COL23A1: variants seen among roughly 807,000 people sequenced by gnomAD.
The protein encoded by COL23A1 is collagen alpha-1(XXIII) chain.
A neutral mutation model predicts 99.3 loss-of-function variants in COL23A1; 97 were observed. The ratio of observed to expected loss-of-function variants is 0.98; its 90% confidence interval spans 0.83 to 1.16. The LOEUF (loss-of-function observed/expected upper bound fraction) is 1.16. Ranked by LOEUF, COL23A1 falls within the 50% of genes most tolerant of loss-of-function variation. The probability of loss-of-function intolerance (pLI) is 0.00; values close to 1 mark genes in which losing one functional copy is unlikely to be tolerated. For synonymous variants in COL23A1, 320 were observed against 308.2 expected (o/e 1.04, Z -0.40); for missense variants, 762 against 757.4 (o/e 1.01, Z -0.07).
intron 18 of COL23A1, 109 bp downstream of exon 18, chr5:178,249,952 G>T: frequency 7.3e-7 from 1 of 1,363,544 alleles, no homozygotes; most frequent in Non-Finnish European, 1.0e-6. Flanking sequence ...TCTCACACAT[G>T]GTGTTTCTCT....
At chr5:178,357,798 G>GTGTGTGTGTA (rs1325905778) in intron 2 of COL23A1, among the ~76,000 whole-genome samples, 1 of 112,146 alleles carries the variant, frequency 8.9e-6, no homozygotes, top group South Asian at 2.7e-4. Flanking sequence ...GTGTGTGTAT[G>GTGTGTGTGTA]TGTGTGTGTA....
intron 2 of COL23A1, among the ~76,000 whole-genome samples, chr5:178,505,118 G>C (rs1758789673): frequency 6.6e-6 from 1 of 152,138 alleles, no homozygotes; most frequent in Admixed American, 6.5e-5. Context: ...CTGAGGGAGG[G>C]GTCTGGTCCA....
At chr5:178,276,069 G>T (rs1398263963) in intron 5 of COL23A1, among the ~76,000 whole-genome samples, 1 of 152,234 alleles carries the variant, frequency 6.6e-6, no homozygotes, top group Admixed American at 6.5e-5. Context: ...TGGCTACAGA[G>T]GGGAGGTTTC....
At chr5:178,363,985 G>A (rs924039126) in intron 2 of COL23A1, among the ~76,000 whole-genome samples, 7 of 152,186 alleles carry the variant, frequency 4.6e-5, no homozygotes, top group Non-Finnish European at 1.0e-4. Context: ...CCTTCGCTTT[G>A]CGGCCCTCCT....
chr5:178,505,974 A>G (rs1758846071), intron 2 of COL23A1, among the ~76,000 whole-genome samples: 1 of 151,812 alleles, frequency 6.6e-6, no homozygotes, highest in African/African-American at 2.4e-5. Flanking sequence ...CCTACAGGTA[A>G]ACCAGCCCCC....
intron 2 of COL23A1, among the ~76,000 whole-genome samples, chr5:178,473,260 G>A (rs1470006356): frequency 2.0e-5 from 3 of 152,044 alleles, no homozygotes; most frequent in African/African-American, 4.8e-5. Flanking sequence ...TAAAGTATGA[G>A]GGAGGATGTA....
chr5:178,345,190 A>T, intron 2 of COL23A1: 1 of 833,760 alleles, frequency 1.2e-6, no homozygotes, highest in Non-Finnish European at 2.0e-6. Context: ...CTAACTCCAG[A>T]CTCCACCAGA....
rs1764204690 is a variant in COL23A1, at chr5:178,590,259, C to T, written c.-62G>A. The stretch of plus-strand genomic sequence containing the variant: ...GTGCTGCTGGGGCAGAGGCTGGGTG[C>T]GAGAGGAGCAGGCGGGACAGCCCGA... On this transcript the variant is annotated 5_prime_UTR_variant, in exon 1 of 29. Coordinates refer to ENST00000390654, the MANE Select transcript of COL23A1 (RefSeq NM_173465.4). This position sits in a 1 kb window ranked among gnomAD's most constrained non-coding sequence, Gnocchi z 5.7. 8.4e-7 allele frequency: 1 copy of T among 1,184,602 alleles called. No individual in the cohort carries two copies. The highest frequency in any genetic ancestry group is 1.6e-5 in the African/African-American group (1 of 62,722). The allele number at this position is 1,184,602 out of a possible 1,614,324, so 73.4% of individuals were successfully genotyped here.
intron 1 of COL23A1, among the ~76,000 whole-genome samples, chr5:178,586,493 C>T (rs1011581434): frequency 6.6e-6 from 1 of 151,918 alleles, no homozygotes; most frequent in African/African-American, 2.4e-5. Context: ...TTTTCAAAGC[C>T]GATGTGGAAA....
chr5:178,568,791 T>G (rs991598285), intron 1 of COL23A1, among the ~76,000 whole-genome samples: 3 of 152,238 alleles, frequency 2.0e-5, no homozygotes, highest in African/African-American at 7.2e-5. Context: ...CTGAATAATA[T>G]TGCATGGTGT....
At chr5:178,581,954 T>G (rs991196813) in intron 1 of COL23A1, among the ~76,000 whole-genome samples, 3 of 152,086 alleles carry the variant, frequency 2.0e-5, no homozygotes, top group African/African-American at 7.2e-5. Context: ...GCGCAGAAAG[T>G]TAAACAGCCC....
rs1362757238 is a variant in COL23A1, at chr5:178,409,009, CACACACACACACAT to C, written c.362-102104_362-102091del. ...ACACACACACACACACACACACACA[CACACACACACACAT>C]CATGTGGCTGAACAATTGCACTCCT... On this transcript the variant is annotated intron_variant, in intron 2 of 28. Transcript: ENST00000390654. Among the ~76,000 whole-genome samples, 60 of 148,400 alleles carry C rather than the reference CACACACACACACAT, an allele frequency of 4.0e-4. No individual in the cohort carries two copies. The East Asian group carries it at 5.1e-3, about 13-fold the overall frequency.
chr5:178,243,314 C>A (rs1764508288), intron 25 of COL23A1, among the ~76,000 whole-genome samples: 1 of 151,716 alleles, frequency 6.6e-6, no homozygotes, highest in Admixed American at 6.6e-5. Context: ...ACAGTGAAAC[C>A]CCATCTCTCC....
At chr5:178,506,357 C>G (rs928243166) in intron 2 of COL23A1, among the ~76,000 whole-genome samples, 1 of 152,194 alleles carries the variant, frequency 6.6e-6, no homozygotes, top group Non-Finnish European at 1.5e-5. Flanking sequence ...GCAGCTGGTG[C>G]GTGCACTCCA....
At chr5:178,369,634 A>G (rs181182959) in intron 2 of COL23A1, among the ~76,000 whole-genome samples, 1 of 152,102 alleles carries the variant, frequency 6.6e-6, no homozygotes, top group Non-Finnish European at 1.5e-5. Flanking sequence ...GTCTCCTGAG[A>G]TCTGATGGTT....
intron 2 of COL23A1, among the ~76,000 whole-genome samples, chr5:178,317,257 A>C (rs1302633268): frequency 1.3e-5 from 2 of 152,216 alleles, no homozygotes; most frequent in Middle Eastern, 3.2e-3. Context: ...CCTTCAGGAC[A>C]GACAACTCTG....
intron 2 of COL23A1, among the ~76,000 whole-genome samples, chr5:178,503,008 G>C (rs114382838): frequency 6.6e-6 from 1 of 152,212 alleles, no homozygotes; most frequent in Non-Finnish European, 1.5e-5. Flanking sequence ...GCACAGTCAG[G>C]AACGTTAGAA....
At chr5:178,505,226 G>T (rs1481793832) in intron 2 of COL23A1, among the ~76,000 whole-genome samples, 6 of 151,596 alleles carry the variant, frequency 4.0e-5, no homozygotes, top group African/African-American at 1.5e-4. Flanking sequence ...TATTCTCCCA[G>T]GGTGTGTGTG....
At chr5:178,518,377 T>C (rs1175688677) in intron 2 of COL23A1, among the ~76,000 whole-genome samples, 11 of 151,224 alleles carry the variant, frequency 7.3e-5, no homozygotes, top group African/African-American at 2.7e-4. Context: ...AAAGCAGCCA[T>C]TGTCATCCTG....
Sources: gnomAD v4.1 joint callset for allele counts (sites outside exome capture counted in the v4.1 genomes callset) on GRCh38, gnomAD v4.1.1 for gene constraint, Gnocchi (gnomAD v3.1) non-coding constraint, MANE v1.5 for transcripts, NCBI Gene and HGNC (gene_info 2026-07-23, HGNC 2026-07-21) for gene names.